ZNF638: variants seen among roughly 807,000 people sequenced by gnomAD.
The protein encoded by ZNF638 is CTCL tumor antigen se33-1.
In ZNF638, 46 loss-of-function variants were observed where a neutral mutation model predicts 195.6. That is an observed-to-expected ratio of 0.24 (90% confidence interval 0.19 to 0.30). ZNF638 has a LOEUF of 0.30. ZNF638 is among the 10% of genes least tolerant of loss of function. The pLI, the probability that ZNF638 is intolerant of heterozygous loss-of-function variation, is 1.00. For missense variants in ZNF638, 2,440 were observed against 2,325.3 expected, an observed-to-expected ratio of 1.05 and a Z score of -1.01; for synonymous variants, 845 against 772.0, an observed-to-expected ratio of 1.09 and a Z score of -1.57.
intron 20 of ZNF638, among the ~76,000 whole-genome samples, chr2:71,409,019 T>A (rs1558875059): frequency 6.6e-6 from 1 of 152,098 alleles, no homozygotes; most frequent in Non-Finnish European, 1.5e-5. Flanking sequence ...TTTTAAAAAG[T>A]TGTCATTTAT....
rs1341274280 is a variant in ZNF638 at position 71,434,736 on chromosome 2, T to C, written c.5872-6T>C. The stretch of plus-strand genomic sequence containing the variant: ...AGTATTTTATATTGCAAATTGCTTT[T>C]AACAGAAATTCATGGCCAAGCAAAG... On this transcript the variant is annotated splice_region_variant and splice_polypyrimidine_tract_variant and intron_variant, in intron 27 of 27. Coordinates refer to ENST00000264447, the MANE Select transcript of ZNF638 (RefSeq NM_014497.5). 5 of 1,612,756 alleles carry C rather than the reference T, an allele frequency of 3.1e-6. No homozygotes were observed. Among genetic ancestry groups the C allele is most frequent in the Non-Finnish European group, 4.2e-6 (5 of 1,179,544 alleles).
chr2:71,431,800 T>C (rs1488136703), intron 26 of ZNF638, among the ~76,000 whole-genome samples: 2 of 152,064 alleles, frequency 1.3e-5, no homozygotes, highest in Non-Finnish European at 2.9e-5. Flanking sequence ...AAGTATTCTA[T>C]TGTTTTAGGT....
intron 3 of ZNF638, among the ~76,000 whole-genome samples, chr2:71,362,939 TAAATG>T (rs1409399329): frequency 6.6e-6 from 1 of 152,196 alleles, no homozygotes; most frequent in Non-Finnish European, 1.5e-5. Context: ...CCGGTTTACT[TAAATG>T]AAAGTTTAGG....
intron 1 of ZNF638, among the ~76,000 whole-genome samples, chr2:71,333,274 C>T (rs1305160724): frequency 3.3e-5 from 5 of 152,108 alleles, no homozygotes; most frequent in Non-Finnish European, 7.4e-5. Context: ...CAGGGCGTCC[C>T]AGCATGTTAT....
intron 3 of ZNF638, among the ~76,000 whole-genome samples, chr2:71,362,625 A>G (rs1353869316): frequency 1.3e-5 from 2 of 152,210 alleles, no homozygotes; most frequent in East Asian, 1.9e-4. Context: ...CTTAGTTTAC[A>G]TATTGCCACT....
In ZNF638 at chr2:71,365,514, T is replaced by C; in HGVS notation, c.1803T>C (p.Asp601=). 6.2e-7 allele frequency: 1 copy of C among 1,614,056 alleles called. No homozygotes were observed. Among genetic ancestry groups the C allele is most frequent in the South Asian group, 1.1e-5 (1 of 91,084 alleles). The change falls in exon 6 of 28, where the codon GAT becomes GAC. Residue 601 remains aspartate, a synonymous_variant. Transcript: ENST00000264447. ...AACAGAAGCATCTTGAAGCTGCTGA[T>C]AAGGGACATTCACCAGCACAAAAGC... ...FNKQKHLEAA[D]KGHSPAQKPK...
chr2:71,425,506 C>T (rs1020329616), intron 23 of ZNF638, among the ~76,000 whole-genome samples: 1 of 152,050 alleles, frequency 6.6e-6, no homozygotes, highest in African/African-American at 2.4e-5. Context: ...TAATAACATA[C>T]TAAATGTATA....
chr2:71,379,193 C>G (rs2079490018), intron 8 of ZNF638, among the ~76,000 whole-genome samples: 1 of 152,178 alleles, frequency 6.6e-6, no homozygotes, highest in African/African-American at 2.4e-5. Context: ...TTTGAGATGT[C>G]ACAGTGCTAT....
intron 1 of ZNF638, among the ~76,000 whole-genome samples, chr2:71,337,137 G>GTT (rs34895501): frequency 1.2e-3 from 160 of 138,162 alleles, no homozygotes; most frequent in Middle Eastern, 7.6e-3. Context: ...ATTGCCTATA[G>GTT]TTTTTTTTTT....
intron 1 of ZNF638, among the ~76,000 whole-genome samples, chr2:71,338,457 T>C (rs552340260): frequency 6.6e-6 from 1 of 152,316 alleles, no homozygotes; most frequent in South Asian, 2.1e-4. Context: ...TTTCTTGTCT[T>C]TCACAATGAA....
chr2:71,405,752 A>G, intron 18 of ZNF638, 110 bp downstream of exon 18: 1 of 785,056 alleles, frequency 1.3e-6, no homozygotes, highest in Non-Finnish European at 2.0e-6. Context: ...TAAGATATTG[A>G]GGTGATGGAG....
intron 24 of ZNF638, among the ~76,000 whole-genome samples, chr2:71,428,058 G>A (rs182594390): frequency 1.3e-5 from 2 of 152,216 alleles, no homozygotes; most frequent in East Asian, 3.9e-4. Flanking sequence ...CAGGCACGGT[G>A]GCATGCGTCT....
chr2:71,348,768 G>GGA lies in ZNF638; in HGVS notation c.-186_-185dup, dbSNP rs1423482247. On this transcript the variant is annotated 5_prime_UTR_variant, in exon 2 of 28. Transcript: ENST00000264447. Reference sequence around the variant, plus strand: ...TAACTTTCAGCTTTGTGTTATTCTTGGAAAATTTCGCACCACTTGTGAATT... The same window carrying GGA: ...TAACTTTCAGCTTTGTGTTATTCTTGGAGAAAATTTCGCACCACTTGTGAATT... 15 of 1,536,408 alleles carry GGA rather than the reference G, an allele frequency of 9.8e-6. No individual in the cohort carries two copies. In the East Asian group the frequency reaches 3.6e-4, roughly 37 times the overall value.
At chr2:71,350,400 C>G (rs1305810909) in intron 2 of ZNF638, 129 bp downstream of exon 2, 2 of 925,900 alleles carry the variant, frequency 2.2e-6, no homozygotes, top group Non-Finnish European at 3.3e-6. Context: ...ATTGCAACCT[C>G]AATACATAGT....
intron 25 of ZNF638, among the ~76,000 whole-genome samples, chr2:71,429,151 T>C (rs2080603280): frequency 6.6e-6 from 1 of 152,230 alleles, no homozygotes; most frequent in Non-Finnish European, 1.5e-5. Flanking sequence ...GCTCTTGCTC[T>C]CAAGGGGTTT....
At chr2:71,380,140 G>A (rs2079510682) in intron 8 of ZNF638, 82 bp from the exon 9 acceptor site, 2 of 742,296 alleles carry the variant, frequency 2.7e-6, no homozygotes, top group Non-Finnish European at 4.1e-6. Context: ...CTTTAGAATA[G>A]GAAGATTTTA....
Position 71,349,155 on chromosome 2 carries a change from G to A in ZNF638, c.201G>A (p.Gln67=). ...AATCTTATCAGAACATGGGGCCACAGAGAATGAATGTTCAGGTAACTCAAC... is the reference window on the plus strand; with the variant it reads ...AATCTTATCAGAACATGGGGCCACAAAGAATGAATGTTCAGGTAACTCAAC... The part of the protein sequence containing the change: ...GHESYQNMGP[Q]RMNVQVTQHR... Residue 67 remains glutamine (Q), a synonymous_variant, in exon 2 of 28, where the codon CAG becomes CAA. Coordinates refer to ENST00000264447, the MANE Select transcript of ZNF638 (RefSeq NM_014497.5). The A allele has an allele frequency of 1.2e-6, 2 of 1,614,196 alleles. No individual in the cohort carries two copies. The highest frequency in any genetic ancestry group is 1.3e-5 in the African/African-American group (1 of 75,046).
chr2:71,371,463 A>G (rs2079311342), intron 8 of ZNF638, among the ~76,000 whole-genome samples: 1 of 152,148 alleles, frequency 6.6e-6, no homozygotes, highest in Non-Finnish European at 1.5e-5. Flanking sequence ...GTTCCCACCA[A>G]CAATATACTG....
intron 17 of ZNF638, among the ~76,000 whole-genome samples, chr2:71,404,945 T>G (rs1041844142): frequency 1.2e-4 from 19 of 152,150 alleles, no homozygotes; most frequent in Non-Finnish European, 2.2e-4. Flanking sequence ...TTATATCCTT[T>G]CTAGAGGCAG....
Sources: gnomAD v4.1 joint callset for allele counts (sites outside exome capture counted in the v4.1 genomes callset) on GRCh38, gnomAD v4.1.1 for gene constraint, MANE v1.5 for transcripts, NCBI Gene and HGNC (gene_info 2026-07-23, HGNC 2026-07-21) for gene names.